Variants in PDCD1LG2 observed in about 807,000 individuals in gnomAD.
PDCD1LG2 encodes the protein programmed cell death 1 ligand 2.
PDCD1LG2 carries 32 observed loss-of-function variants against 28.2 expected under a neutral mutation model. The observed-to-expected ratio is 1.13, with a 90% confidence interval of 0.86 to 1.52. The LOEUF is 1.52. PDCD1LG2 is among the 40% of genes most tolerant of loss of function. The pLI is 0.00. For synonymous variants in PDCD1LG2, 116 were observed against 120.2 expected (o/e 0.97, Z 0.23); for missense variants, 385 against 323.8 (o/e 1.19, Z -1.45).
intron 3 of PDCD1LG2, among the ~76,000 whole-genome samples, chr9:5,541,586 T>C (rs1053963883): frequency 4.0e-5 from 6 of 151,690 alleles, no homozygotes; most frequent in African/African-American, 1.2e-4. Context: ...AAAAATAAAA[T>C]AAAATACTTA....
At chr9:5,523,646 T>C (rs1354856590) in intron 2 of PDCD1LG2, among the ~76,000 whole-genome samples, 1 of 152,228 alleles carries the variant, frequency 6.6e-6, no homozygotes, top group Non-Finnish European at 1.5e-5. Context: ...TCATGTTTTC[T>C]TTGCAAGGAA....
chr9:5,513,375 C>A (rs947116296), intron 1 of PDCD1LG2, among the ~76,000 whole-genome samples: 1 of 152,252 alleles, frequency 6.6e-6, no homozygotes, highest in Non-Finnish European at 1.5e-5. Context: ...GTCTCCCTTC[C>A]TTTAGTCAAC....
chr9:5,512,731 A>G (rs191612345), intron 1 of PDCD1LG2, among the ~76,000 whole-genome samples: 3 of 152,230 alleles, frequency 2.0e-5, no homozygotes, highest in African/African-American at 7.2e-5. Flanking sequence ...TGGAATGCTT[A>G]TGCCTTGCCC....
chr9:5,523,437 C>A (rs181931334), intron 2 of PDCD1LG2, among the ~76,000 whole-genome samples: 15 of 152,298 alleles, frequency 9.8e-5, no homozygotes, highest in African/African-American at 3.6e-4. Context: ...CACTTGATAA[C>A]CTTTCGAAGA....
At chr9:5,539,440 A>T (rs1367600969) in intron 3 of PDCD1LG2, among the ~76,000 whole-genome samples, 1 of 152,224 alleles carries the variant, frequency 6.6e-6, no homozygotes, top group Non-Finnish European at 1.5e-5. Flanking sequence ...GGGTTTGTTT[A>T]TAGCACCTTC....
intron 5 of PDCD1LG2, among the ~76,000 whole-genome samples, chr9:5,560,460 C>T (rs1383623478): frequency 2.6e-5 from 4 of 152,178 alleles, no homozygotes; most frequent in Non-Finnish European, 4.4e-5. Flanking sequence ...TTGCTGGTTC[C>T]GATCCCCACA....
chr9:5,537,907 C>T (rs913185430), intron 3 of PDCD1LG2, among the ~76,000 whole-genome samples: 7 of 152,026 alleles, frequency 4.6e-5, no homozygotes, highest in African/African-American at 1.7e-4. Flanking sequence ...ATGCAGAACA[C>T]CCTGAACATT....
chr9:5,514,960 G>A (rs1820129022), intron 1 of PDCD1LG2, among the ~76,000 whole-genome samples: 1 of 152,124 alleles, frequency 6.6e-6, no homozygotes, highest in African/African-American at 2.4e-5. Context: ...ACTTTTACCA[G>A]GCAAGATCTT....
chr9:5,536,031 T>C lies in PDCD1LG2; in HGVS notation c.361+981T>C, dbSNP rs571146499. 3.3e-5 allele frequency among the ~76,000 whole-genome samples: 5 copies of C among 152,346 alleles called. No homozygotes were observed. The South Asian group carries it at 1.0e-3, about 32-fold the overall frequency. ...GCATTGGACCTCAGATGGTCTGTAC[T>C]GTCTTCTAGAGGGTTTGTGGGTTTT... On this transcript the variant is annotated intron_variant, in intron 3 of 6. Transcript: ENST00000397747.
intron 3 of PDCD1LG2, among the ~76,000 whole-genome samples, chr9:5,543,701 G>A (rs759715010): frequency 3.3e-5 from 5 of 152,212 alleles, no homozygotes; most frequent in Non-Finnish European, 5.9e-5. Flanking sequence ...CCAAGTCTCA[G>A]TGTCTTTTTT....
At chr9:5,514,428 T>C (rs1043664586) in intron 1 of PDCD1LG2, among the ~76,000 whole-genome samples, 4 of 152,032 alleles carry the variant, frequency 2.6e-5, no homozygotes, top group Non-Finnish European at 5.9e-5. Flanking sequence ...GAACCTACCA[T>C]CATTTCTGAT....
intron 5 of PDCD1LG2, among the ~76,000 whole-genome samples, chr9:5,558,712 A>G (rs1002284078): frequency 3.9e-5 from 6 of 152,336 alleles, no homozygotes; most frequent in African/African-American, 1.4e-4. Flanking sequence ...CCATTGCCCT[A>G]TGTGTGTATG....
At chr9:5,525,186 A>C (rs2129740065) in intron 2 of PDCD1LG2, among the ~76,000 whole-genome samples, 1 of 152,228 alleles carries the variant, frequency 6.6e-6, no homozygotes, top group South Asian at 2.1e-4. Flanking sequence ...CTCTGTACTA[A>C]AAATAGAAAA....
chr9:5,560,962 T>C (rs1816547491), intron 5 of PDCD1LG2, among the ~76,000 whole-genome samples: 1 of 152,080 alleles, frequency 6.6e-6, no homozygotes, highest in Admixed American at 6.5e-5. Context: ...TGTTGCAAAA[T>C]AATGTTAAAT....
intron 3 of PDCD1LG2, among the ~76,000 whole-genome samples, chr9:5,543,401 T>G (rs912784167): frequency 6.6e-6 from 1 of 152,010 alleles, no homozygotes; most frequent in Non-Finnish European, 1.5e-5. Flanking sequence ...TAGCCGGGCG[T>G]GGTGGCAGGC....
rs376469981 is a variant in PDCD1LG2 at position 5,534,888 on chromosome 9, T to G, written c.199T>G (p.Ser67Ala). The G allele has an allele frequency of 3.1e-6, 5 of 1,613,902 alleles. No homozygotes were observed. The highest frequency in any genetic ancestry group is 4.2e-6 in the Non-Finnish European group (5 of 1,179,974). Reference sequence around the variant, plus strand: ...TTTGCAAAAGGTGGAAAATGATACATCCCCACACCGTGAAAGAGCCACTTT... The same window carrying G: ...TTTGCAAAAGGTGGAAAATGATACAGCCCCACACCGTGAAAGAGCCACTTT... ...ASLQKVENDT[S>A]PHRERATLLE... Residue 67 changes from serine to alanine, a missense_variant, in exon 3 of 7, where the codon TCC (serine) becomes GCC (alanine). Physicochemically the swap from Ser to Ala is moderately conservative, Grantham distance 99 (BLOSUM62 1). Coordinates refer to ENST00000397747, the MANE Select transcript of PDCD1LG2 (RefSeq NM_025239.4).
In PDCD1LG2 at chr9:5,528,796, C is replaced by T. The variant is rs543745641; in HGVS notation, c.56-5949C>T. ...AGTCGCCCAGGCTGGAGTTCACTGT[C>T]GTGGCTCACTACAGCCTCTGCCTCC... is the stretch of plus-strand genomic sequence containing the variant. On this transcript the variant is annotated intron_variant, in intron 2 of 6. Coordinates refer to ENST00000397747, the MANE Select transcript of PDCD1LG2 (RefSeq NM_025239.4). Among the ~76,000 whole-genome samples the T allele has an allele frequency of 7.2e-4, 110 of 152,278 alleles. No individual in the cohort carries two copies. The South Asian group carries it at 9.3e-3, about 13-fold the overall frequency.
At chr9:5,512,418 C>T (rs1820079298) in intron 1 of PDCD1LG2, among the ~76,000 whole-genome samples, 1 of 152,132 alleles carries the variant, frequency 6.6e-6, no homozygotes, top group South Asian at 2.1e-4. Flanking sequence ...CTTCACGGCT[C>T]CCTATGATGA....
chr9:5,533,169 C>T (rs1371366085), intron 2 of PDCD1LG2, among the ~76,000 whole-genome samples: 2 of 152,232 alleles, frequency 1.3e-5, no homozygotes, highest in African/African-American at 2.4e-5. Context: ...CTCTACTGAA[C>T]ATAATTTGAT....
Sources: gnomAD v4.1 joint callset for allele counts (sites outside exome capture counted in the v4.1 genomes callset) on GRCh38, gnomAD v4.1.1 for gene constraint, MANE v1.5 for transcripts, NCBI Gene and HGNC (gene_info 2026-07-23, HGNC 2026-07-21) for gene names.